Variants in CCN6 observed in about 807,000 individuals in gnomAD.
The protein encoded by CCN6 is cellular communication network factor 6, also known as CCN family member 6.
A neutral mutation model predicts 37.4 loss-of-function variants in CCN6; 31 were observed. The ratio of observed to expected loss-of-function variants is 0.83; its 90% CI spans 0.62 to 1.12. The LOEUF (loss-of-function observed/expected upper bound fraction) is 1.12, where lower values mean the gene tolerates loss of function less well. CCN6 is among the 50% of genes most tolerant of loss of function. CCN6 has a pLI of 0.00. For synonymous variants in CCN6, 137 were observed against 142.1 expected, an observed-to-expected ratio of 0.96 and a Z score of 0.26; for missense variants, 369 against 413.8, an observed-to-expected ratio of 0.89 and a Z score of 0.94.
rs1238313519 is a variant in CCN6, at chr6:112,068,252, G to A, written c.637G>A (p.Ala213Thr). ...LIWKKKCLVQ[A>T]TKWTPCSRTC... Reference sequence around the variant, plus strand: ...TTGGAAAAAAAAATGTCTTGTGCAAGCAACAAAATGGACTCCCTGCTCCAG... The same window carrying A: ...TTGGAAAAAAAAATGTCTTGTGCAAACAACAAAATGGACTCCCTGCTCCAG... Residue 213 changes from alanine to threonine, a missense_variant, in exon 4 of 5, where the codon GCA (alanine) becomes ACA (threonine). Ala to Thr is a moderately conservative substitution (Grantham distance 58, BLOSUM62 0). Coordinates refer to ENST00000368666, the MANE Select transcript of CCN6 (RefSeq NM_198239.2). The A allele has an allele frequency of 1.9e-6, 3 of 1,610,004 alleles. No homozygotes were observed. Among genetic ancestry groups the A allele is most frequent in the Admixed American group, 1.7e-5 (1 of 59,178 alleles).
rs374951549 is a variant in CCN6 at position 112,068,393 on chromosome 6, A to G, written c.778A>G (p.Ile260Val). Residue 260 changes from isoleucine to valine, a missense_variant, in exon 4 of 5, where the codon ATA becomes GTA. Physicochemically the swap from Ile to Val is conservative, Grantham distance 29. Coordinates refer to ENST00000368666, the MANE Select transcript of CCN6 (RefSeq NM_198239.2). ...QPCDSNILKT[I>V]KIPKGKTCQP... is the part of the protein sequence containing the mutation. ...TTGCGACAGCAATATATTAAAGACA[A>G]TAAAGGTAAAGTTTAAATATATTTA... 6 of 1,608,530 alleles carry G rather than the reference A, an allele frequency of 3.7e-6. No homozygotes were observed. The highest frequency in any genetic ancestry group is 2.2e-5 in the East Asian group (1 of 44,656).
rs1212860573 is a variant in CCN6 at position 112,061,124 on chromosome 6, G to A, written c.182G>A (p.Cys61Tyr). The change falls in exon 2 of 5, where the codon TGC (cysteine) becomes TAC (tyrosine). Residue 61 changes from cysteine to tyrosine, a missense_variant. Coordinates refer to ENST00000368666, the MANE Select transcript of CCN6 (RefSeq NM_198239.2). ...PCKCPQQKPRCPPGVSLVRDG... is the reference protein window; with the variant it reads ...PCKCPQQKPRYPPGVSLVRDG... ...AAATGCCCTCAGCAGAAGCCCCGTTGCCCTCCTGGAGTGAGCCTGGTGAGA... is the reference window on the plus strand; with the variant it reads ...AAATGCCCTCAGCAGAAGCCCCGTTACCCTCCTGGAGTGAGCCTGGTGAGA... 1 of 1,614,064 alleles carries A rather than the reference G, an allele frequency of 6.2e-7. No individual in the cohort carries two copies. The highest frequency in any genetic ancestry group is 1.3e-5 in the African/African-American group (1 of 74,930).
upstream of CCN6, among the ~76,000 whole-genome samples, chr6:112,053,657 A>G (rs1776264371): frequency 6.6e-6 from 1 of 152,128 alleles, no homozygotes; most frequent in Non-Finnish European, 1.5e-5. Flanking sequence ...CTCTCAGGCC[A>G]GGTACTGTAG....
In CCN6 at chr6:112,064,933, T is replaced by C; in HGVS notation, c.525T>C (p.Asp175=). 1 of 1,614,060 alleles carries C rather than the reference T, an allele frequency of 6.2e-7. No individual in the cohort carries two copies. The highest frequency in any genetic ancestry group is 8.5e-7 in the Non-Finnish European group (1 of 1,179,936). ...CSGAKGGKKS[D]QSNCSLEPLL... is the part of the protein sequence containing the mutation. ...GAGCTAAAGGTGGAAAGAAGTCTGA[T>C]CAGTCAAACTGTAGCCTGGAACCAT... Residue 175 remains aspartate (D), a synonymous_variant, in exon 3 of 5, where the codon GAT becomes GAC. Coordinates refer to ENST00000368666, the MANE Select transcript of CCN6 (RefSeq NM_198239.2).
At chr6:112,057,360 A>G (rs1048060025) in intron 1 of CCN6, among the ~76,000 whole-genome samples, 3 of 152,242 alleles carry the variant, frequency 2.0e-5, no homozygotes, top group Non-Finnish European at 4.4e-5. Flanking sequence ...GGAGCAACAT[A>G]GTAGATGCAC....
chr6:112,061,049 G>C lies in CCN6; in HGVS notation c.107G>C (p.Gly36Ala), dbSNP rs782030276. 2 of 1,614,056 alleles carry C rather than the reference G, an allele frequency of 1.2e-6. No individual in the cohort carries two copies. Among genetic ancestry groups the C allele is most frequent in the Non-Finnish European group, 8.5e-7 (1 of 1,180,036 alleles). ...GATACAACACCTGAAGGAAGGCCTG[G>C]AGAAGTGTCAGATGCACCTCAGCGT... is the stretch of plus-strand genomic sequence containing the variant. ...PLDTTPEGRP[G>A]EVSDAPQRKQ... is the part of the protein sequence containing the mutation. Residue 36 changes from glycine to alanine, a missense_variant, in exon 2 of 5, where the codon GGA (glycine) becomes GCA (alanine). Transcript: ENST00000368666.
In CCN6 at chr6:112,060,377, G is replaced by T. The variant is rs115236264; in HGVS notation, c.49-614G>T. 5.8e-3 allele frequency among the ~76,000 whole-genome samples: 885 copies of T among 152,244 alleles called. 13 individuals carry two copies. The highest frequency in any genetic ancestry group is 0.02 in the African/African-American group (839 of 41,554). On this transcript the variant is annotated intron_variant, in intron 1 of 4. Transcript: ENST00000368666. ...AGGTATCAATAAATGATCAAGGTGG[G>T]TATTTTTAAAGGTGTAATAAACAGG...
In CCN6 at chr6:112,054,441, G is replaced by A. The variant is rs2280153; in HGVS notation, c.48+36G>A. The A allele has an allele frequency of 0.25, 406,336 of 1,601,226 alleles. 52,963 individuals are homozygous for A. The highest frequency in any genetic ancestry group is 0.31 in the East Asian group (13,875 of 44,736). The stretch of plus-strand genomic sequence containing the variant: ...TCCCCCGACTCTTTCCCTTCCGGAG[G>A]CTATGGCCATCCTTAGTTCTTCAGG... On this transcript the variant is annotated intron_variant, in intron 1 of 4. Coordinates refer to ENST00000368666, the MANE Select transcript of CCN6 (RefSeq NM_198239.2).
rs782228065 is a variant in CCN6, at chr6:112,068,380, T to C, written c.765T>C (p.Asn255=). Residue 255 remains asparagine, a synonymous_variant, in exon 4 of 5, where the codon AAT becomes AAC. Transcript: ENST00000368666. ...GTTACATTCAGCCTTGCGACAGCAA[T>C]ATATTAAAGACAATAAAGGTAAAGT... ...RLCYIQPCDS[N]ILKTIKIPKG... The C allele has an allele frequency of 6.2e-7, 1 of 1,612,144 alleles. No homozygotes were observed. Among genetic ancestry groups the C allele is most frequent in the East Asian group, 2.2e-5 (1 of 44,790 alleles).
intron 1 of CCN6, among the ~76,000 whole-genome samples, chr6:112,055,622 C>A (rs1208785922): frequency 2.0e-5 from 3 of 149,218 alleles, no homozygotes; most frequent in South Asian, 2.1e-4. Context: ...CAGAGCCTTG[C>A]TCTGTCGTTC....
rs1416677509 is a variant in CCN6 at position 112,065,604 on chromosome 6, A to ACG, written c.589+608_589+609insGC. On this transcript the variant is annotated intron_variant, in intron 3 of 4. Transcript: ENST00000368666. ...CACACACACGCACACACACACAAAC[A>ACG]CACACGCACACACACACGCACGCAC... 4.2e-4 allele frequency among the ~76,000 whole-genome samples: 56 copies of ACG among 133,336 alleles called. 1 individual carries two copies. The highest frequency in any genetic ancestry group is 8.9e-4 in the South Asian group (4 of 4,506). The allele number at this position is 133,336 out of a possible 152,430, so 87.5% of individuals were successfully genotyped here. A position where few individuals can be genotyped will look rare whatever the true frequency, so the allele number is the denominator to read the frequency against.
At chr6:112,057,181 T>G (rs1230349) in intron 1 of CCN6, among the ~76,000 whole-genome samples, 47,918 of 151,894 alleles carry the variant, frequency 0.32, 8,206 homozygotes, top group African/African-American at 0.46. Context: ...AAATGGCAAG[T>G]CATGGAAGGA....
chr6:112,067,100 C>T (rs587733262), intron 3 of CCN6: 73 of 1,202,592 alleles, frequency 6.1e-5, no homozygotes, highest in South Asian at 3.4e-4. Context: ...ACTGTCATAA[C>T]ACTGAAAGCA....
At position 112,061,221 on chromosome 6, in the gene CCN6, C is replaced by T. The variant is rs782446012; in HGVS notation, c.279C>T (p.Asp93=). Residue 93 remains aspartate (D), a synonymous_variant, in exon 2 of 5, where the codon GAC becomes GAT. Transcript: ENST00000368666. The stretch of plus-strand genomic sequence containing the variant: ...TCTGCAATGAAGCTGACCTCTGTGA[C>T]CCACACAAAGGGCTGTATTGTGACT... ...GEICNEADLC[D]PHKGLYCDYS... is the part of the protein sequence containing the mutation. 6.2e-7 allele frequency: 1 copy of T among 1,614,148 alleles called. No homozygotes were observed. Among genetic ancestry groups the T allele is most frequent in the East Asian group, 2.2e-5 (1 of 44,896 alleles).
chr6:112,059,441 G>T (rs1056002544), intron 1 of CCN6, among the ~76,000 whole-genome samples: 1 of 152,096 alleles, frequency 6.6e-6, no homozygotes, highest in African/African-American at 2.4e-5. Flanking sequence ...AGGCTGTCTG[G>T]CTTCCTTGGA....
intron 1 of CCN6, among the ~76,000 whole-genome samples, chr6:112,058,538 T>C (rs1554312210): frequency 6.6e-6 from 1 of 152,162 alleles, no homozygotes; most frequent in Non-Finnish European, 1.5e-5. Context: ...GGCACTTACA[T>C]GGGTAATTTC....
chr6:112,055,268 C>G (rs1365430966), intron 1 of CCN6, among the ~76,000 whole-genome samples: 2 of 152,128 alleles, frequency 1.3e-5, no homozygotes, highest in Non-Finnish European at 2.9e-5. Context: ...GTCAGTGGTC[C>G]AGGTCATTGC....
chr6:112,069,434 C>T lies in CCN6; in HGVS notation c.879C>T (p.Pro293=). The T allele has an allele frequency of 1.9e-6, 3 of 1,613,692 alleles. No individual in the cohort carries two copies. The highest frequency in any genetic ancestry group is 2.5e-6 in the Non-Finnish European group (3 of 1,179,858). ...GCTCAAGTACTCAGAGTTACAAACCCACTTTTTGTGGAATATGCTTGGATA... is the reference window on the plus strand; with the variant it reads ...GCTCAAGTACTCAGAGTTACAAACCTACTTTTTGTGGAATATGCTTGGATA... ...SGCSSTQSYK[P]TFCGICLDKR... The change falls in exon 5 of 5, where the codon CCC becomes CCT. Residue 293 remains proline (P), a synonymous_variant. Coordinates refer to ENST00000368666, the MANE Select transcript of CCN6 (RefSeq NM_198239.2).
chr6:112,068,222 C>T lies in CCN6; in HGVS notation c.607C>T (p.Leu203Phe), dbSNP rs1416572197. 6.2e-6 allele frequency: 10 copies of T among 1,610,572 alleles called. No homozygotes were observed. The highest frequency in any genetic ancestry group is 8.5e-6 in the Non-Finnish European group (10 of 1,178,850). ...TGTTTTAGCTTATAGAAATCTCCCA[C>T]TTATTTGGAAAAAAAAATGTCTTGT... is the stretch of plus-strand genomic sequence containing the variant. ...KTMPAYRNLP[L>F]IWKKKCLVQA... The change falls in exon 4 of 5, where the codon CTT becomes TTT. Residue 203 changes from leucine to phenylalanine, a missense_variant. Coordinates refer to ENST00000368666, the MANE Select transcript of CCN6 (RefSeq NM_198239.2).
Sources: allele counts gnomAD v4.1 joint callset (sites outside exome capture counted in the v4.1 genomes callset), GRCh38; gene constraint gnomAD v4.1.1; transcripts MANE v1.5; gene names NCBI Gene and HGNC (gene_info 2026-07-23, HGNC 2026-07-21).